The following ITGA8 variants were observed in gnomAD, a reference collection of about 807,000 sequenced individuals.
ITGA8 encodes the protein integrin subunit alpha 8.
ITGA8 carries 91 observed loss-of-function variants against 142.3 expected under a neutral mutation model. That is an observed-to-expected ratio of 0.64 (90% CI 0.54 to 0.76). The LOEUF is 0.76. Among genes scored for constraint, ITGA8 ranks in the 30% least tolerant of loss-of-function variants. The pLI is 0.00. For synonymous variants in ITGA8, 505 were observed against 485.2 expected, an observed-to-expected ratio of 1.04 and a Z score of -0.54; for missense variants, 1,406 against 1,327.7, an observed-to-expected ratio of 1.06 and a Z score of -0.92.
At chr10:15,709,274 TC>T (rs1835319667) in intron 2 of ITGA8, among the ~76,000 whole-genome samples, 1 of 152,210 alleles carries the variant, frequency 6.6e-6, no homozygotes. Context: ...TCAGTTCTCC[TC>T]CCCGAAACTT....
chr10:15,605,909 A>C (rs2131609269), intron 18 of ITGA8, 118 bp from the exon 19 acceptor site: 2 of 841,130 alleles, frequency 2.4e-6, no homozygotes, highest in South Asian at 3.1e-5. Flanking sequence ...ACTATGCATG[A>C]CTCTACCCAA....
chr10:15,557,935 A>C, intron 26 of ITGA8, 139 bp downstream of exon 26: 2 of 1,086,068 alleles, frequency 1.8e-6, no homozygotes, highest in South Asian at 3.4e-5. Flanking sequence ...CATTCTCGAG[A>C]TAAACACTGC....
intron 26 of ITGA8, among the ~76,000 whole-genome samples, chr10:15,557,103 G>A (rs764680544): frequency 2.6e-5 from 4 of 152,186 alleles, no homozygotes; most frequent in African/African-American, 4.8e-5. Flanking sequence ...GACTCTGACC[G>A]GGCATGGTGG....
chr10:15,562,412 T>C (rs1012752826), intron 25 of ITGA8, among the ~76,000 whole-genome samples: 9 of 152,134 alleles, frequency 5.9e-5, no homozygotes, highest in Non-Finnish European at 1.5e-5. Context: ...ACTGAGATTT[T>C]CAGGGCAGGG....
Position 15,646,979 on chromosome 10 carries a change from C to A in ITGA8, c.1074G>T (p.Gly358=), listed in dbSNP as rs373648949. 5.0e-6 allele frequency: 8 copies of A among 1,614,014 alleles called. No individual in the cohort carries two copies. The highest frequency in any genetic ancestry group is 6.8e-6 in the Non-Finnish European group (8 of 1,180,014). The change falls in exon 12 of 30, where the codon GGG becomes GGT. Residue 358 remains glycine, a synonymous_variant. Transcript: ENST00000378076. Reference sequence around the variant, plus strand: ...TCACTTGCAAATACAGGTAGATTTGCCCTACTTCTCTGGGGTTGCTCTCAA... The same window carrying A: ...TCACTTGCAAATACAGGTAGATTTGACCTACTTCTCTGGGGTTGCTCTCAA... ...REFESNPREV[G]QIYLYLQVSS...
At chr10:15,665,292 T>C (rs1348734148) in intron 8 of ITGA8, among the ~76,000 whole-genome samples, 2 of 152,320 alleles carry the variant, frequency 1.3e-5, no homozygotes, top group East Asian at 1.9e-4. Context: ...TTTCATGTGT[T>C]TTTTGGCTGC....
At chr10:15,609,204 C>T (rs898573937) in intron 15 of ITGA8, among the ~76,000 whole-genome samples, 1 of 152,088 alleles carries the variant, frequency 6.6e-6, no homozygotes, top group Non-Finnish European at 1.5e-5. Flanking sequence ...TGAAAGTGCT[C>T]ACCTCTCCCT....
chr10:15,697,303 T>C (rs1835073064), intron 2 of ITGA8, among the ~76,000 whole-genome samples: 2 of 152,202 alleles, frequency 1.3e-5, no homozygotes, highest in African/African-American at 4.8e-5. Context: ...CTTTAATACA[T>C]GAAACACAGG....
chr10:15,602,514 G>T (rs1314728155), intron 20 of ITGA8, among the ~76,000 whole-genome samples: 4 of 152,098 alleles, frequency 2.6e-5, no homozygotes, highest in South Asian at 2.1e-4. Flanking sequence ...AAGGTGGGTG[G>T]ACCGCCTGAC....
In ITGA8 at chr10:15,607,679, G is replaced by A. The variant is rs1358323528; in HGVS notation, c.1762C>T (p.Arg588Ter). ...AGAAGTCTTTCTGGAATACTTACTC[G>A]AAGGTAAACGATGAAATCCTGGCAC... Reference protein sequence around the residue: ...HQCQDFIVYLRDETEFRDKLS... With the variant: ...HQCQDFIVYL The change falls in exon 17 of 30, where the codon CGA becomes TGA. Residue 588 changes from arginine to a stop codon, truncating the protein, a stop_gained and splice_region_variant. Coordinates refer to ENST00000378076, the MANE Select transcript of ITGA8 (RefSeq NM_003638.3). LOFTEE classifies it high-confidence loss of function. The A allele has an allele frequency of 1.2e-6, 2 of 1,613,580 alleles. No individual in the cohort carries two copies. Among genetic ancestry groups the A allele is most frequent in the Non-Finnish European group, 1.7e-6 (2 of 1,179,596 alleles).
chr10:15,664,730 T>C (rs12412048), intron 8 of ITGA8, among the ~76,000 whole-genome samples: 14,595 of 142,904 alleles, frequency 0.1, 898 homozygotes, highest in East Asian at 0.31. Context: ...TGTGCTCTCA[T>C]TGTTCAATTC....
At chr10:15,537,265 C>T (rs186125996) in intron 27 of ITGA8, among the ~76,000 whole-genome samples, 8 of 152,226 alleles carry the variant, frequency 5.3e-5, no homozygotes, top group South Asian at 4.2e-4. Flanking sequence ...TTAATAGGCC[C>T]CAATGTACAG....
At chr10:15,675,624 A>G (rs1276320065) in intron 6 of ITGA8, among the ~76,000 whole-genome samples, 1 of 152,078 alleles carries the variant, frequency 6.6e-6, no homozygotes, top group South Asian at 2.1e-4. Context: ...CTTTCAATCT[A>G]TTTTCTGTAA....
chr10:15,719,763 G>A lies in ITGA8; in HGVS notation c.9C>T (p.Pro3=), dbSNP rs1231116910. The A allele has an allele frequency of 3.0e-6, 4 of 1,351,456 alleles. No individual in the cohort carries two copies. The highest frequency in any genetic ancestry group is 1.5e-5 in the African/African-American group (1 of 64,894). The allele number at this position is 1,351,456 out of a possible 1,614,324, so 83.7% of individuals were successfully genotyped here. Residue 3 remains proline (P), a synonymous_variant, in exon 1 of 30, where the codon CCC becomes CCT. Transcript: ENST00000378076. ...TTCCCCGGGGACCGCGGCTGGCCCCGGGCGACATCTCCCTCCGCCCCGGTG... is the reference window on the plus strand; with the variant it reads ...TTCCCCGGGGACCGCGGCTGGCCCCAGGCGACATCTCCCTCCGCCCCGGTG... MS[P]GASRGPRGSQ...
At chr10:15,614,520 A>G (rs1186044561) in intron 14 of ITGA8, among the ~76,000 whole-genome samples, 1 of 152,236 alleles carries the variant, frequency 6.6e-6, no homozygotes, top group African/African-American at 2.4e-5. Context: ...AGAGACTGAC[A>G]GAGTGTAAGT....
At chr10:15,522,975 C>T (rs1164344883) in intron 28 of ITGA8, among the ~76,000 whole-genome samples, 3 of 151,902 alleles carry the variant, frequency 2.0e-5, no homozygotes, top group Non-Finnish European at 4.4e-5. Context: ...CAAGATGGTG[C>T]CACTGCACTC....
At position 15,684,025 on chromosome 10, in the gene ITGA8, C is replaced by T. The variant is rs780615099; in HGVS notation, c.547G>A (p.Glu183Lys). The change falls in exon 4 of 30, where the codon GAG becomes AAG. Residue 183 changes from glutamate to lysine, a missense_variant. By Grantham distance (56) the Glu-to-Lys change is moderately conservative. Transcript: ENST00000378076. Reference protein sequence around the residue: ...VAIQNFSAYAEFSPCRNSNAD... With the variant: ...VAIQNFSAYAKFSPCRNSNAD... ...TTACTGTTCCGGCAAGGAGAGAACT[C>T]GGCATAGGCGCTGAAGTTCTGAATT... is the stretch of plus-strand genomic sequence containing the variant. The T allele has an allele frequency of 3.7e-6, 6 of 1,614,014 alleles. No homozygotes were observed. The highest frequency in any genetic ancestry group is 5.1e-6 in the Non-Finnish European group (6 of 1,180,026).
intron 4 of ITGA8, among the ~76,000 whole-genome samples, chr10:15,681,907 T>C (rs1371338760): frequency 2.0e-5 from 3 of 152,214 alleles, no homozygotes; most frequent in South Asian, 4.1e-4. Context: ...CATTTTCTGA[T>C]ATATTTTGGA....
At chr10:15,686,819 G>T (rs186309544) in intron 3 of ITGA8, among the ~76,000 whole-genome samples, 6 of 152,150 alleles carry the variant, frequency 3.9e-5, no homozygotes, top group Non-Finnish European at 5.9e-5. Flanking sequence ...TATGAACACG[G>T]TGTATTATTG....
Sources: allele counts gnomAD v4.1 joint callset (sites outside exome capture counted in the v4.1 genomes callset), GRCh38; gene constraint gnomAD v4.1.1; transcripts MANE v1.5; gene names NCBI Gene and HGNC (gene_info 2026-07-23, HGNC 2026-07-21).